Variants in MAPK14 observed in about 807,000 individuals in gnomAD.
MAPK14 encodes the protein mitogen-activated protein kinase 14.
In MAPK14, 16 loss-of-function variants were observed where a neutral mutation model predicts 49.6. That is an observed-to-expected ratio of 0.32 (90% confidence interval 0.22 to 0.49). The LOEUF is 0.49. MAPK14 is among the 20% of genes least tolerant of loss of function. The probability of loss-of-function intolerance (pLI) is 0.99; values close to 1 mark genes in which losing one functional copy is unlikely to be tolerated. For synonymous variants in MAPK14, 142 were observed against 158.0 expected (o/e 0.90, Z 0.76); for missense variants, 200 against 441.2 (o/e 0.45, Z 4.90).
intron 8 of MAPK14, among the ~76,000 whole-genome samples, chr6:36,078,157 C>A (rs571827360): frequency 6.6e-6 from 1 of 152,298 alleles, no homozygotes; most frequent in African/African-American, 2.4e-5. Flanking sequence ...TTATTTCCAG[C>A]TATGTAACTT....
intron 8 of MAPK14, among the ~76,000 whole-genome samples, chr6:36,093,979 C>A (rs1303138935): frequency 1.3e-5 from 2 of 152,064 alleles, no homozygotes; most frequent in Admixed American, 1.3e-4. Context: ...TGAATTGAGT[C>A]ATTTTAGATG....
intron 9 of MAPK14, chr6:36,097,592 T>C (rs932033437): frequency 6.6e-6 from 1 of 152,168 alleles, no homozygotes; most frequent in African/African-American, 2.4e-5. Flanking sequence ...ATTCATTTCC[T>C]TCCTGAGAGT....
chr6:36,031,297 A>G (rs1030967414), intron 1 of MAPK14, among the ~76,000 whole-genome samples: 8 of 152,150 alleles, frequency 5.3e-5, no homozygotes, highest in African/African-American at 1.9e-4. Context: ...TATAGGCCTC[A>G]GCCACGGTGC....
At chr6:36,068,488 C>A (rs1581781694) in intron 3 of MAPK14, among the ~76,000 whole-genome samples, 1 of 152,166 alleles carries the variant, frequency 6.6e-6, no homozygotes, top group Non-Finnish European at 1.5e-5. Flanking sequence ...TCCCAAGGAT[C>A]AATAGGTGAG....
At chr6:36,054,593 T>A (rs1487942780) in intron 2 of MAPK14, among the ~76,000 whole-genome samples, 1 of 152,254 alleles carries the variant, frequency 6.6e-6, no homozygotes. Context: ...CATGGCTGAA[T>A]GTCTCATAGT....
At chr6:36,080,405 T>A (rs547212722) in intron 8 of MAPK14, among the ~76,000 whole-genome samples, 12 of 152,324 alleles carry the variant, frequency 7.9e-5, no homozygotes, top group African/African-American at 2.9e-4. Flanking sequence ...GTTCTTTCTG[T>A]CTCTGTGGAT....
rs1765907034 is a variant in MAPK14, at chr6:36,109,663, T to C, written c.*1216T>C. 6.6e-6 allele frequency: 1 copy of C among 152,636 alleles called. No homozygotes were observed. Among genetic ancestry groups the C allele is most frequent in the African/African-American group, 2.4e-5 (1 of 41,454 alleles). 9.5% of individuals were successfully genotyped at this position (152,636 alleles called of 1,614,324 possible). On this transcript the variant is annotated 3_prime_UTR_variant, in exon 12 of 12. Transcript: ENST00000229794. ...GCCATCTGTTTTCAACCAACTATTT[T>C]TGAGGAATTATCATGGGAAAAGACC...
chr6:36,055,981 T>A (rs149397387), intron 2 of MAPK14, among the ~76,000 whole-genome samples: 49 of 152,314 alleles, frequency 3.2e-4, no homozygotes, highest in Admixed American at 2.7e-3. Context: ...ATCTCAAAAT[T>A]GTTATTTTCG....
chr6:36,049,316 T>G (rs556525417), intron 1 of MAPK14, among the ~76,000 whole-genome samples: 1 of 152,176 alleles, frequency 6.6e-6, no homozygotes, highest in East Asian at 1.9e-4. Flanking sequence ...TCCTTTCCTT[T>G]TCCTTTCTTT....
intron 3 of MAPK14, among the ~76,000 whole-genome samples, chr6:36,061,978 GTTTTC>G (rs1204905021): frequency 6.6e-6 from 1 of 151,952 alleles, no homozygotes; most frequent in Non-Finnish European, 1.5e-5. Flanking sequence ...TTATTTCAGT[GTTTTC>G]TTTTTTTTTG....
In MAPK14 at chr6:36,028,790, C is replaced by CTTTTTTTTTTTT. The variant is rs1562090295; in HGVS notation, c.116+517_116+518insTTTTTTTTTTTT. 1.5e-5 allele frequency among the ~76,000 whole-genome samples: 2 copies of CTTTTTTTTTTTT among 137,482 alleles called. No homozygotes were observed. The highest frequency in any genetic ancestry group is 5.7e-5 in the African/African-American group (2 of 35,266). 90.2% of individuals were successfully genotyped at this position (137,482 alleles called of 152,430 possible). On this transcript the variant is annotated intron_variant, in intron 1 of 11. Coordinates refer to ENST00000229794, the MANE Select transcript of MAPK14 (RefSeq NM_139012.3). The surrounding 1 kb of genome is among the most constrained non-coding windows in gnomAD (Gnocchi z 5.1). Reference sequence around the variant, plus strand: ...GACCAGGAAGGGAGCTCTCTCCGGGCCTTTTTTTTTTTTTTTTTTTTTCAA... The same window carrying CTTTTTTTTTTTT: ...GACCAGGAAGGGAGCTCTCTCCGGGCTTTTTTTTTTTTCTTTTTTTTTTTTTTTTTTTTTCAA...
chr6:36,087,078 T>C (rs1341527698), intron 8 of MAPK14, among the ~76,000 whole-genome samples: 1 of 152,186 alleles, frequency 6.6e-6, no homozygotes, highest in Non-Finnish European at 1.5e-5. Context: ...AGAAAAGGCC[T>C]TTAATAAAAT....
In MAPK14 at chr6:36,108,275, C is replaced by G. The variant is rs186335657; in HGVS notation, c.1016-105C>G. ...AGCTGTGAGGTAGCCCATCAAACCA[C>G]TACCTGGACAGAGAGGAAGGATCTT... On this transcript the variant is annotated intron_variant, in intron 11 of 11. Transcript: ENST00000229794. The G allele has an allele frequency of 3.5e-5, 29 of 832,042 alleles. No homozygotes were observed. In the African/African-American group the frequency reaches 4.1e-4, roughly 12 times the overall value. The allele number at this position is 832,042 out of a possible 1,614,324, so 51.5% of individuals were successfully genotyped here.
intron 1 of MAPK14, among the ~76,000 whole-genome samples, chr6:36,043,612 C>T (rs990526262): frequency 2.0e-5 from 3 of 151,932 alleles, no homozygotes; most frequent in African/African-American, 7.3e-5. Context: ...CCAGGTGCTA[C>T]AGGTAAAGAG....
intron 9 of MAPK14, chr6:36,100,265 G>C (rs2127471389): frequency 6.2e-7 from 1 of 1,611,616 alleles, no homozygotes; most frequent in East Asian, 2.2e-5. Context: ...GCCAAGCCAT[G>C]AGGTGAGAAC....
the MAPK14 span, among the ~76,000 whole-genome samples, chr6:36,123,710 T>C: frequency 1.3e-5 from 2 of 152,186 alleles, no homozygotes; most frequent in Non-Finnish European, 1.5e-5. Flanking sequence ...GAGAGGGACA[T>C]GTCACAGGAG....
intron 10 of MAPK14, among the ~76,000 whole-genome samples, chr6:36,105,461 C>T (rs947777075): frequency 3.3e-5 from 5 of 152,144 alleles, no homozygotes; most frequent in African/African-American, 9.7e-5. Flanking sequence ...GTTATAAGAA[C>T]ATGGTCCTTT....
rs895164618 is a variant in MAPK14 at position 36,073,117 on chromosome 6, A to T, written c.417+133A>T. ...ACATAAAATCACAGGTAAAGGTCAT[A>T]TAGTACAGTAAACTGCCATGTTCAC... On this transcript the variant is annotated intron_variant, in intron 4 of 11. Transcript: ENST00000229794. 1.8e-5 allele frequency: 12 copies of T among 675,676 alleles called. No homozygotes were observed. The African/African-American group carries it at 2.1e-4, about 12-fold the overall frequency. The allele number at this position is 675,676 out of a possible 1,614,324, so 41.9% of individuals were successfully genotyped here.
intron 7 of MAPK14, among the ~76,000 whole-genome samples, 169 bp downstream of exon 7, chr6:36,076,131 G>A (rs936116841): frequency 6.6e-6 from 1 of 152,048 alleles, no homozygotes. Flanking sequence ...GGGGAAGTGG[G>A]GTTTTATACA....
Sources: allele counts gnomAD v4.1 joint callset (sites outside exome capture counted in the v4.1 genomes callset), GRCh38; gene constraint gnomAD v4.1.1; non-coding constraint Gnocchi (gnomAD v3.1); transcripts MANE v1.5; gene names NCBI Gene and HGNC (gene_info 2026-07-23, HGNC 2026-07-21).